Variants in ARSG observed in about 807,000 individuals in gnomAD.
ARSG encodes the protein ASG.
A neutral mutation model predicts 50.5 loss-of-function variants in ARSG; 37 were observed. The ratio of observed to expected loss-of-function variants is 0.73; its 90% CI spans 0.56 to 0.96. ARSG has a LOEUF of 0.96. Among genes scored for constraint, ARSG ranks in the 50% least tolerant of loss-of-function variants. ARSG has a pLI of 0.00. For missense variants in ARSG, 629 were observed against 675.3 expected, an observed-to-expected ratio of 0.93 and a Z score of 0.76; for synonymous variants, 225 against 254.6, an observed-to-expected ratio of 0.88 and a Z score of 1.11.
the ARSG span, among the ~76,000 whole-genome samples, chr17:68,448,681 C>T: frequency 6.6e-6 from 1 of 152,174 alleles, no homozygotes; most frequent in Non-Finnish European, 1.5e-5. Context: ...CTTTACAGAT[C>T]ATTTGCCTAA....
chr17:68,360,630 G>C (rs1205514846), intron 6 of ARSG, among the ~76,000 whole-genome samples: 3 of 152,170 alleles, frequency 2.0e-5, no homozygotes, highest in Non-Finnish European at 4.4e-5. Flanking sequence ...TTTTTAAGCA[G>C]CAGGCAAATC....
Position 68,315,070 on chromosome 17 carries a change from T to C in ARSG, c.218+7359T>C, listed in dbSNP as rs374091825. On this transcript the variant is annotated intron_variant, in intron 2 of 11. Transcript: ENST00000621439. ...TTCTTGGTACCACCCTACTTTTCTC[T>C]TATATCTCAGATGAGGAAATTGAGG... is the stretch of plus-strand genomic sequence containing the variant. Among the ~76,000 whole-genome samples, 15 of 152,324 alleles carry C rather than the reference T, an allele frequency of 9.8e-5. No homozygotes were observed. In the East Asian group the frequency reaches 2.9e-3, roughly 29 times the overall value.
intron 10 of ARSG, among the ~76,000 whole-genome samples, chr17:68,400,796 G>C (rs1321000113): frequency 6.6e-6 from 1 of 152,194 alleles, no homozygotes; most frequent in Non-Finnish European, 1.5e-5. Flanking sequence ...TTCAGGCCTA[G>C]AAATCTGACC....
chr17:68,298,202 A>G lies in ARSG; in HGVS notation c.-552+6634A>G, dbSNP rs146212439. 1.3e-3 allele frequency among the ~76,000 whole-genome samples: 201 copies of G among 152,138 alleles called. 4 individuals are homozygous for G. In the East Asian group the frequency reaches 0.027, roughly 21 times the overall value. ...TGCTTCACTAAATTGTTTTTTTCCTAAATTTGGGTCTTACCCCTATTTCTG... is the reference window on the plus strand; with the variant it reads ...TGCTTCACTAAATTGTTTTTTTCCTGAATTTGGGTCTTACCCCTATTTCTG... On this transcript the variant is annotated intron_variant, in intron 1 of 11. Coordinates refer to ENST00000621439, the MANE Select transcript of ARSG (RefSeq NM_001267727.2).
chr17:68,330,771 G>A (rs2077695646), intron 2 of ARSG, among the ~76,000 whole-genome samples: 1 of 152,104 alleles, frequency 6.6e-6, no homozygotes, highest in Non-Finnish European at 1.5e-5. Flanking sequence ...AAGCCCATTG[G>A]GCTGAGAGAT....
intron 10 of ARSG, among the ~76,000 whole-genome samples, chr17:68,396,183 A>G (rs2147163774): frequency 6.6e-6 from 1 of 152,030 alleles, no homozygotes; most frequent in East Asian, 1.9e-4. Flanking sequence ...TGCTCAGCTA[A>G]TTTTTGTATC....
chr17:68,436,800 A>G, the ARSG span, among the ~76,000 whole-genome samples: 3 of 152,030 alleles, frequency 2.0e-5, no homozygotes, highest in East Asian at 5.8e-4. Flanking sequence ...AGTTCCAGAC[A>G]AGCCTGGCCA....
chr17:68,372,977 C>T (rs924585995), intron 8 of ARSG, among the ~76,000 whole-genome samples: 1 of 148,676 alleles, frequency 6.7e-6, no homozygotes, highest in Non-Finnish European at 1.5e-5. Context: ...CTGCAGCCTC[C>T]ACTTCCTGGG....
intron 2 of ARSG, among the ~76,000 whole-genome samples, chr17:68,338,759 A>G (rs960208393): frequency 1.3e-5 from 2 of 152,208 alleles, no homozygotes; most frequent in Non-Finnish European, 2.9e-5. Context: ...GCACATGTAA[A>G]GCGCCCTGTT....
At chr17:68,395,050 A>T (rs761757755) in intron 9 of ARSG, 23 bp from the exon 10 acceptor site, 1 of 1,613,056 alleles carries the variant, frequency 6.2e-7, no homozygotes, top group South Asian at 1.1e-5. Context: ...GCTGGGGACA[A>T]CTCAGTCTTG....
chr17:68,370,382 G>T (rs571762402), intron 7 of ARSG, 62 bp from the exon 8 acceptor site: 1 of 1,478,396 alleles, frequency 6.8e-7, no homozygotes, highest in South Asian at 1.1e-5. Context: ...GGGCCAGAGT[G>T]GGAGGGTCAG....
chr17:68,315,797 T>G lies in ARSG; in HGVS notation c.218+8086T>G, dbSNP rs149371967. 7.8e-3 allele frequency among the ~76,000 whole-genome samples: 1,186 copies of G among 152,196 alleles called. 19 individuals carry two copies. The highest frequency in any genetic ancestry group is 0.027 in the African/African-American group (1,134 of 41,512). On this transcript the variant is annotated intron_variant, in intron 2 of 11. Coordinates refer to ENST00000621439, the MANE Select transcript of ARSG (RefSeq NM_001267727.2). ...ACAAGTGTGTGCCACCATACCTGGCTAATTTTTGTATTTTTAGTAGAGACA... is the reference window on the plus strand; with the variant it reads ...ACAAGTGTGTGCCACCATACCTGGCGAATTTTTGTATTTTTAGTAGAGACA...
chr17:68,389,936 C>T (rs1468903954), intron 9 of ARSG, among the ~76,000 whole-genome samples: 4 of 152,044 alleles, frequency 2.6e-5, no homozygotes, highest in Admixed American at 2.0e-4. Flanking sequence ...CCTTTACCTA[C>T]CCCCCACCTG....
chr17:68,360,700 C>T (rs531064748), intron 6 of ARSG, among the ~76,000 whole-genome samples: 1 of 152,292 alleles, frequency 6.6e-6, no homozygotes, highest in South Asian at 2.1e-4. Flanking sequence ...GCTAGCTGGG[C>T]CTCTGTTCCT....
At chr17:68,294,302 T>C (rs1425185775) in intron 1 of ARSG, among the ~76,000 whole-genome samples, 1 of 152,222 alleles carries the variant, frequency 6.6e-6, no homozygotes, top group Non-Finnish European at 1.5e-5. Context: ...CCCTCTTGCA[T>C]AGGGTCATTT....
At chr17:68,321,112 G>A (rs1220831434) in intron 2 of ARSG, among the ~76,000 whole-genome samples, 2 of 152,076 alleles carry the variant, frequency 1.3e-5, no homozygotes, top group African/African-American at 4.8e-5. Flanking sequence ...TGAGGCTGCA[G>A]TGCACTATCC....
intron 1 of ARSG, among the ~76,000 whole-genome samples, chr17:68,283,418 G>A (rs2075760660): frequency 1.3e-5 from 2 of 152,056 alleles, no homozygotes; most frequent in Admixed American, 1.3e-4. Context: ...CTACTCCGGA[G>A]GCTGAGGCAG....
At chr17:68,278,967 T>TA (rs1273313964) in intron 1 of ARSG, among the ~76,000 whole-genome samples, 3 of 152,150 alleles carry the variant, frequency 2.0e-5, no homozygotes, top group African/African-American at 7.2e-5. Flanking sequence ...AGTATTTGGA[T>TA]ACTTTTATGC....
At chr17:68,437,000 A>AT in the ARSG span, among the ~76,000 whole-genome samples, 1 of 60,726 alleles carries the variant, frequency 1.6e-5, no homozygotes, top group Admixed American at 1.7e-4. Context: ...TCTCAAAAAA[A>AT]AAAAAATATA....
Sources: allele counts gnomAD v4.1 joint callset (sites outside exome capture counted in the v4.1 genomes callset), GRCh38; gene constraint gnomAD v4.1.1; transcripts MANE v1.5; gene names NCBI Gene and HGNC (gene_info 2026-07-23, HGNC 2026-07-21).